Variants in RSF1 observed in about 807,000 individuals in gnomAD.
RSF1 encodes HBV pX-associated protein 8.
Under a neutral mutation model 145.2 loss-of-function variants are expected in RSF1, and 13 were observed. The observed-to-expected ratio is 0.09, with a 90% CI of 0.06 to 0.14. RSF1 has a LOEUF of 0.14. RSF1 is among the 10% of genes least tolerant of loss of function. The pLI is 1.00. For synonymous variants in RSF1, 577 were observed against 592.6 expected (o/e 0.97, Z 0.38); for missense variants, 1,517 against 1,718.2 (o/e 0.88, Z 2.07).
chr11:77,738,678 C>A (rs896209892), intron 4 of RSF1: 1 of 151,722 alleles, frequency 6.6e-6, no homozygotes, highest in South Asian at 2.1e-4. Flanking sequence ...ATACATTAGA[C>A]ATTTTTTTTT....
chr11:77,768,179 T>C (rs912762626), intron 1 of RSF1, among the ~76,000 whole-genome samples: 1 of 150,178 alleles, frequency 6.7e-6, no homozygotes, highest in Non-Finnish European at 1.5e-5. Flanking sequence ...TTTTTTTTTT[T>C]TGAGACAGAG....
At chr11:77,748,349 C>G (rs4322421) in intron 2 of RSF1, among the ~76,000 whole-genome samples, 74 of 151,358 alleles carry the variant, frequency 4.9e-4, no homozygotes, top group Non-Finnish European at 1.0e-3. Context: ...CTCAGCCACC[C>G]GAGAAGCTGG....
In RSF1 at chr11:77,665,862, T is replaced by C. The variant is rs531554654; in HGVS notation, c.*1055A>G. 9 of 152,306 alleles carry C rather than the reference T, an allele frequency of 5.9e-5. No homozygotes were observed. In the South Asian group the frequency reaches 1.9e-3, roughly 32 times the overall value. 9.4% of individuals were successfully genotyped at this position (152,306 alleles called of 1,614,324 possible). A position where few individuals can be genotyped will look rare whatever the true frequency, so the allele number is the denominator to read the frequency against. On this transcript the variant is annotated 3_prime_UTR_variant, in exon 16 of 16. Transcript: ENST00000308488. Reference sequence around the variant, plus strand: ...TTTGTTTGTAGACTTCAATTTGAAGTAGATACTAAGGGCAAGAATAGACCA... The same window carrying C: ...TTTGTTTGTAGACTTCAATTTGAAGCAGATACTAAGGGCAAGAATAGACCA...
intron 1 of RSF1, among the ~76,000 whole-genome samples, chr11:77,784,004 G>A (rs986612338): frequency 6.6e-6 from 1 of 152,212 alleles, no homozygotes; most frequent in Non-Finnish European, 1.5e-5. Flanking sequence ...GTTTGTCTGT[G>A]TTTGTCGTAC....
chr11:77,719,607 C>T (rs4531493), intron 5 of RSF1, among the ~76,000 whole-genome samples: 27,018 of 152,114 alleles, frequency 0.18, 3,019 homozygotes, highest in African/African-American at 0.3. Flanking sequence ...TTTAAAAAAT[C>T]AGTCATATGA....
chr11:77,800,152 C>G (rs938098060), intron 1 of RSF1, among the ~76,000 whole-genome samples: 1 of 151,950 alleles, frequency 6.6e-6, no homozygotes, highest in Non-Finnish European at 1.5e-5. Flanking sequence ...GTGGCAAGAC[C>G]CTATTCTCTA....
chr11:77,824,708 C>T (rs1462747851), upstream of RSF1, among the ~76,000 whole-genome samples: 1 of 152,086 alleles, frequency 6.6e-6, no homozygotes, highest in Non-Finnish European at 1.5e-5. Context: ...TTCCTTTGAG[C>T]TTGGAAGGGT....
intron 1 of RSF1, chr11:77,813,611 G>A (rs1948751607): frequency 1.6e-6 from 1 of 632,826 alleles, no homozygotes; most frequent in African/African-American, 1.8e-5. Context: ...TCGTTAGAGT[G>A]ATTCAATTTC....
chr11:77,729,944 G>GAAAAAAA (rs1238152122), intron 4 of RSF1, among the ~76,000 whole-genome samples: 1 of 104,472 alleles, frequency 9.6e-6, no homozygotes, highest in African/African-American at 3.3e-5. Flanking sequence ...CAAGAAAACT[G>GAAAAAAA]AAGAGGCATT....
Position 77,667,390 on chromosome 11 carries a change from C to G in RSF1, c.3853G>C (p.Asp1285His). Reference sequence around the variant, plus strand: ...CCTTCCTCTTCCTCCTCCTCCTCATCTGCTTCTGAATACTCGTCTGTGCTT... The same window carrying G: ...CCTTCCTCTTCCTCCTCCTCCTCATGTGCTTCTGAATACTCGTCTGTGCTT... ...GRSTDEYSEA[D>H]EEEEEEEGKP... is the part of the protein sequence containing the mutation. Residue 1285 changes from aspartate (D) to histidine (H), a missense_variant, in exon 16 of 16, where the codon GAT becomes CAT. Transcript: ENST00000308488. The G allele has an allele frequency of 6.2e-7, 1 of 1,614,120 alleles. No homozygotes were observed. The highest frequency in any genetic ancestry group is 8.5e-7 in the Non-Finnish European group (1 of 1,180,032).
chr11:77,713,403 A>ACTTGCAGGG (rs1960732237), intron 5 of RSF1, among the ~76,000 whole-genome samples: 2 of 151,726 alleles, frequency 1.3e-5, no homozygotes, highest in African/African-American at 4.8e-5. Flanking sequence ...CACTGATGTC[A>ACTTGCAGGG]AAAAGAGTGA....
chr11:77,820,842 C>G, upstream of RSF1: 5 of 989,046 alleles, frequency 5.1e-6, no homozygotes, highest in South Asian at 6.8e-5. Context: ...ATCCCAGCGT[C>G]TCAGGGACGG....
At chr11:77,721,219 A>C (rs1417726172) in intron 5 of RSF1, among the ~76,000 whole-genome samples, 1 of 152,166 alleles carries the variant, frequency 6.6e-6, no homozygotes. Flanking sequence ...ATTTTGCTTC[A>C]ACACTCTATG....
At chr11:77,716,751 T>C (rs1030679880) in intron 5 of RSF1, among the ~76,000 whole-genome samples, 8 of 152,224 alleles carry the variant, frequency 5.3e-5, no homozygotes, top group African/African-American at 1.9e-4. Flanking sequence ...CAGGAGACTT[T>C]AAGTGCTCTC....
rs753290288 is a variant in RSF1, at chr11:77,764,703, A to G, written c.188-14T>C. The G allele has an allele frequency of 2.7e-6, 4 of 1,461,270 alleles. No homozygotes were observed. The highest frequency in any genetic ancestry group is 3.8e-6 in the Non-Finnish European group (4 of 1,054,840). 90.5% of individuals were successfully genotyped at this position (1,461,270 alleles called of 1,614,324 possible). A position where few individuals can be genotyped will look rare whatever the true frequency, so the allele number is the denominator to read the frequency against. On this transcript the variant is annotated splice_polypyrimidine_tract_variant and intron_variant, in intron 1 of 15. Transcript: ENST00000308488. ...ATTCTTTTGGTACTTAAAAGAAAGA[A>G]AAAAAATATCATTAGCCAACAAAAT...
chr11:77,812,686 G>A (rs1210956437), intron 1 of RSF1, among the ~76,000 whole-genome samples: 1 of 152,072 alleles, frequency 6.6e-6, no homozygotes, highest in Non-Finnish European at 1.5e-5. Context: ...AGGAGTTTTT[G>A]AGACCAGCCT....
chr11:77,843,013 A>T, the RSF1 span, among the ~76,000 whole-genome samples: 4 of 152,204 alleles, frequency 2.6e-5, no homozygotes, highest in African/African-American at 9.7e-5. Context: ...TCTATAAATT[A>T]CATCATTCAG....
rs907996036 is a variant in RSF1, at chr11:77,702,126, G to A, written c.1103C>T (p.Thr368Ile). ...KSSHEITEKS[T>I]EETEKLKNDQ... ...ATTTTTAAGTTTCTCAGTTTCTTCA[G>A]TAGATTTCTCAGTAATTTCGTGAGA... Residue 368 changes from threonine (T) to isoleucine (I), a missense_variant, in exon 6 of 16, where the codon ACT becomes ATT. Physicochemically the swap from Thr to Ile is moderately conservative, Grantham distance 89 (BLOSUM62 -1). This residue lies in a region of RSF1 where 207 missense variants were observed against 191.4 expected (regional missense o/e 1.08). Coordinates refer to ENST00000308488, the MANE Select transcript of RSF1 (RefSeq NM_016578.4). 1.9e-6 allele frequency: 3 copies of A among 1,613,598 alleles called. No homozygotes were observed. The highest frequency in any genetic ancestry group is 2.5e-6 in the Non-Finnish European group (3 of 1,179,864).
intron 15 of RSF1, among the ~76,000 whole-genome samples, chr11:77,668,827 A>T (rs1959442834): frequency 1.3e-5 from 2 of 152,184 alleles, no homozygotes; most frequent in South Asian, 4.1e-4. Flanking sequence ...CCTGAAATCA[A>T]TCCTCCATGG....
Sources: gnomAD v4.1 joint callset for allele counts (sites outside exome capture counted in the v4.1 genomes callset) on GRCh38, gnomAD v4.1.1 for gene constraint, gnomAD v4.1.1 regional missense constraint, MANE v1.5 for transcripts, NCBI Gene and HGNC (gene_info 2026-07-23, HGNC 2026-07-21) for gene names.